The following MRRF variants were observed in gnomAD, a reference collection of about 807,000 sequenced individuals.
MRRF encodes ribosome-recycling factor, mitochondrial.
Under a neutral mutation model 25.1 loss-of-function variants are expected in MRRF, and 18 were observed. The observed-to-expected ratio is 0.72, with a 90% CI of 0.50 to 1.06. The LOEUF (loss-of-function observed/expected upper bound fraction) is 1.06, where lower values mean the gene tolerates loss of function less well. MRRF is among the 50% of genes least tolerant of loss of function. The probability of loss-of-function intolerance (pLI) is 0.00; values close to 1 mark genes in which losing one functional copy is unlikely to be tolerated. For missense variants in MRRF, 323 were observed against 319.3 expected (o/e 1.01, Z -0.09); for synonymous variants, 113 against 112.1 (o/e 1.01, Z -0.05).
chr9:122,311,558 G>A (rs1164693577), intron 5 of MRRF, among the ~76,000 whole-genome samples: 2 of 152,232 alleles, frequency 1.3e-5, no homozygotes, highest in African/African-American at 4.8e-5. Flanking sequence ...CCTATATTAT[G>A]ATTTTGTTTT....
chr9:122,265,557 T>C lies in MRRF; in HGVS notation c.-29+619T>C, dbSNP rs369671431. 240 of 356,496 alleles carry C rather than the reference T, an allele frequency of 6.7e-4. 1 individual carries two copies. The highest frequency in any genetic ancestry group is 4.3e-3 in the African/African-American group (200 of 46,818). 22.1% of individuals were successfully genotyped at this position (356,496 alleles called of 1,614,324 possible). On this transcript the variant is annotated intron_variant, in intron 1 of 6. Transcript: ENST00000344641. Reference sequence around the variant, plus strand: ...GGAGTTTTCTCTAAGTTTAGTGCCTTTATTTTGTTTTAAACCACACTGTTG... The same window carrying C: ...GGAGTTTTCTCTAAGTTTAGTGCCTCTATTTTGTTTTAAACCACACTGTTG...
intron 5 of MRRF, among the ~76,000 whole-genome samples, chr9:122,296,456 C>A (rs1834091542): frequency 6.6e-6 from 1 of 152,200 alleles, no homozygotes; most frequent in Non-Finnish European, 1.5e-5. Context: ...CAAATTCTTA[C>A]AACACTATGT....
intron 6 of MRRF, among the ~76,000 whole-genome samples, chr9:122,315,206 G>A (rs1403997539): frequency 6.6e-6 from 1 of 152,026 alleles, no homozygotes; most frequent in African/African-American, 2.4e-5. Context: ...TTCTTGAGAT[G>A]GGGTCTCACT....
intron 5 of MRRF, among the ~76,000 whole-genome samples, chr9:122,295,275 A>G (rs1834016666): frequency 6.6e-6 from 1 of 152,178 alleles, no homozygotes; most frequent in Non-Finnish European, 1.5e-5. Context: ...AAATAGGAGC[A>G]TCATTCCTTT....
chr9:122,297,048 C>G (rs367626163), intron 5 of MRRF, among the ~76,000 whole-genome samples: 1 of 152,176 alleles, frequency 6.6e-6, no homozygotes, highest in Non-Finnish European at 1.5e-5. Context: ...AGCACAGTGG[C>G]TTACACCTGT....
intron 6 of MRRF, among the ~76,000 whole-genome samples, 191 bp from the exon 7 acceptor site, chr9:122,322,349 C>T (rs995159921): frequency 6.6e-5 from 10 of 150,414 alleles, no homozygotes; most frequent in African/African-American, 1.5e-4. Flanking sequence ...GGCGACAGAG[C>T]GAGACTTTGT....
intron 6 of MRRF, among the ~76,000 whole-genome samples, chr9:122,317,964 T>C (rs2118994802): frequency 6.6e-6 from 1 of 152,132 alleles, no homozygotes; most frequent in South Asian, 2.1e-4. Flanking sequence ...GGTGAAACCC[T>C]GTCTTTACTA....
chr9:122,280,255 T>C (rs1833016418), intron 2 of MRRF, among the ~76,000 whole-genome samples, 188 bp from the exon 3 acceptor site: 1 of 152,254 alleles, frequency 6.6e-6, no homozygotes, highest in Admixed American at 6.5e-5. Context: ...CCCTCACTAG[T>C]ATCTGAGAAG....
At chr9:122,285,566 GA>G in intron 4 of MRRF, 1 of 445,570 alleles carries the variant, frequency 2.2e-6, no homozygotes, top group Non-Finnish European at 4.2e-6. Flanking sequence ...TGGCCAGCGT[GA>G]AAAGGCTCTG....
chr9:122,285,145 A>G lies in MRRF; in HGVS notation c.341-24A>G, dbSNP rs769120503. 5.4e-6 allele frequency: 8 copies of G among 1,487,052 alleles called. 1 individual carries two copies. In the South Asian group the frequency reaches 7.9e-5, roughly 15 times the overall value. The allele number at this position is 1,487,052 out of a possible 1,614,324, so 92.1% of individuals were successfully genotyped here. A position where few individuals can be genotyped will look rare whatever the true frequency, so the allele number is the denominator to read the frequency against. ...GGCTACTAAGGTTCTTTGGAATTCT[A>G]AAACTCTGTAATTTTTCTTTTAGGA... is the stretch of plus-strand genomic sequence containing the variant. On this transcript the variant is annotated intron_variant, in intron 3 of 6. Transcript: ENST00000344641.
intron 3 of MRRF, among the ~76,000 whole-genome samples, chr9:122,282,419 A>G (rs1174865227): frequency 2.6e-5 from 4 of 152,238 alleles, no homozygotes; most frequent in African/African-American, 9.6e-5. Context: ...GAGAAAATAT[A>G]TTGTCCCCAC....
chr9:122,313,206 A>G, intron 5 of MRRF, 21 bp from the exon 6 acceptor site: 1 of 1,612,552 alleles, frequency 6.2e-7, no homozygotes, highest in Non-Finnish European at 8.5e-7. Context: ...ATTTTGTTGA[A>G]TGTCTTTTGT....
intron 5 of MRRF, among the ~76,000 whole-genome samples, chr9:122,303,018 A>G (rs1834569968): frequency 1.3e-5 from 2 of 152,140 alleles, no homozygotes; most frequent in Non-Finnish European, 2.9e-5. Context: ...ATGTCTATTC[A>G]AGTCCTTTGC....
rs1428115009 is a variant in MRRF, at chr9:122,331,016, T to A, written c.*8399T>A. On this transcript the variant is annotated 3_prime_UTR_variant, in exon 7 of 7. Transcript: ENST00000344641. ...TACATTATTTTCACTAAGAGACCAGTGGGGCTGGAAAGGGACTTGTGAGGT... is the reference window on the plus strand; with the variant it reads ...TACATTATTTTCACTAAGAGACCAGAGGGGCTGGAAAGGGACTTGTGAGGT... The A allele has an allele frequency of 6.6e-6, 1 of 152,140 alleles. No individual in the cohort carries two copies. Among genetic ancestry groups the A allele is most frequent in the Non-Finnish European group, 1.5e-5 (1 of 68,032 alleles). 9.4% of individuals were successfully genotyped at this position (152,140 alleles called of 1,614,324 possible).
In MRRF at chr9:122,285,274, C is replaced by T. The variant is rs1380564997; in HGVS notation, c.446C>T (p.Ala149Val). 4 of 1,606,042 alleles carry T rather than the reference C, an allele frequency of 2.5e-6. No homozygotes were observed. Among genetic ancestry groups the T allele is most frequent in the Non-Finnish European group, 3.4e-6 (4 of 1,172,642 alleles). Reference sequence around the variant, plus strand: ...CCACAGCTGATTTTGGTGAATATGGCCAGCTTCCCAGAGGTAAGATGGCCT... The same window carrying T: ...CCACAGCTGATTTTGGTGAATATGGTCAGCTTCCCAGAGGTAAGATGGCCT... ...KSPQLILVNM[A>V]SFPECTAAAI... The change falls in exon 4 of 7, where the codon GCC becomes GTC. Residue 149 changes from alanine to valine, a missense_variant. Physicochemically the swap from Ala to Val is moderately conservative, Grantham distance 64 (BLOSUM62 0). Transcript: ENST00000344641.
intron 5 of MRRF, among the ~76,000 whole-genome samples, chr9:122,300,227 G>A (rs1834365273): frequency 6.6e-6 from 1 of 152,204 alleles, no homozygotes; most frequent in East Asian, 1.9e-4. Flanking sequence ...GAAGCACAGT[G>A]GATGTGGCCT....
Position 122,330,067 on chromosome 9 carries a change from G to C in MRRF, c.*7450G>C, listed in dbSNP as rs539513099. The C allele has an allele frequency of 6.6e-6, 1 of 152,308 alleles. No individual in the cohort carries two copies. Among genetic ancestry groups the C allele is most frequent in the Admixed American group, 6.5e-5 (1 of 15,282 alleles). The allele number at this position is 152,308 out of a possible 1,614,324, so 9.4% of individuals were successfully genotyped here. A position where few individuals can be genotyped will look rare whatever the true frequency, so the allele number is the denominator to read the frequency against. The stretch of plus-strand genomic sequence containing the variant: ...GCGTTTCTAGACATCTTAAGGGACC[G>C]CATGGCATCCAAGGCCACTGGCATC... On this transcript the variant is annotated 3_prime_UTR_variant, in exon 7 of 7. Coordinates refer to ENST00000344641, the MANE Select transcript of MRRF (RefSeq NM_138777.5). The surrounding 1 kb of genome is among the most constrained non-coding windows in gnomAD (Gnocchi z 4.2).
At chr9:122,318,995 CACTT>C (rs1191652936) in intron 6 of MRRF, among the ~76,000 whole-genome samples, 1 of 152,072 alleles carries the variant, frequency 6.6e-6, no homozygotes, top group Admixed American at 6.5e-5. Flanking sequence ...CTTGGATTGA[CACTT>C]AATGTCCCTA....
At chr9:122,297,432 T>C (rs1322308760) in intron 5 of MRRF, among the ~76,000 whole-genome samples, 1 of 152,172 alleles carries the variant, frequency 6.6e-6, no homozygotes. Context: ...ATTTTTCTTG[T>C]AATGATATGG....
Sources: allele counts gnomAD v4.1 joint callset (sites outside exome capture counted in the v4.1 genomes callset), GRCh38; gene constraint gnomAD v4.1.1; non-coding constraint Gnocchi (gnomAD v3.1); transcripts MANE v1.5; gene names NCBI Gene and HGNC (gene_info 2026-07-23, HGNC 2026-07-21).